Variants in CCDC7 observed in about 807,000 individuals in gnomAD.
CCDC7 encodes the protein coiled-coil domain-containing protein 7.
Under a neutral mutation model 196.9 loss-of-function variants are expected in CCDC7, and 183 were observed. The ratio of observed to expected loss-of-function variants is 0.93; its 90% confidence interval spans 0.82 to 1.05. The LOEUF is 1.05. Ranked by LOEUF, CCDC7 falls within the 50% of genes least tolerant of loss-of-function variation. The pLI is 0.00. For synonymous variants in CCDC7, 525 were observed against 484.6 expected, an observed-to-expected ratio of 1.08 and a Z score of -1.10; for missense variants, 1,540 against 1,482.2, an observed-to-expected ratio of 1.04 and a Z score of -0.64.
At chr10:32,728,340 C>T (rs2132674638) in intron 26 of CCDC7, among the ~76,000 whole-genome samples, 1 of 152,168 alleles carries the variant, frequency 6.6e-6, no homozygotes, top group East Asian at 1.9e-4. Context: ...CTATCATTGC[C>T]TGGTAGCTGT....
At chr10:32,678,867 T>G (rs1294164266) in intron 21 of CCDC7, among the ~76,000 whole-genome samples, 1 of 152,214 alleles carries the variant, frequency 6.6e-6, no homozygotes, top group Admixed American at 6.5e-5. Context: ...TAGCCTCTCA[T>G]TTGAATTCCA....
downstream of CCDC7, among the ~76,000 whole-genome samples, chr10:32,879,015 G>C (rs2094690605): frequency 6.6e-6 from 1 of 151,964 alleles, no homozygotes; most frequent in African/African-American, 2.4e-5. Flanking sequence ...AATTGGCAAG[G>C]GGCCTTCTAG....
At chr10:32,804,907 A>G in intron 29 of CCDC7, 108 bp from the exon 31 acceptor site, 1 of 688,440 alleles carries the variant, frequency 1.5e-6, no homozygotes, top group South Asian at 2.0e-5. Flanking sequence ...TTATTCATTA[A>G]TAACAAAGGC....
intron 28 of CCDC7, among the ~76,000 whole-genome samples, chr10:32,759,695 A>G (rs1169962111): frequency 2.6e-5 from 4 of 152,238 alleles, no homozygotes; most frequent in Non-Finnish European, 5.9e-5. Flanking sequence ...CAAGGACTTC[A>G]TGTCTAAAAC....
chr10:32,828,398 AAGAAGG>A (rs141971427), intron 32 of CCDC7, among the ~76,000 whole-genome samples: 17,011 of 131,838 alleles, frequency 0.13, 1,797 homozygotes, highest in South Asian at 0.26. Flanking sequence ...AAAAAAGAAG[AAGAAGG>A]AGAAGGAGAA....
At chr10:32,618,181 T>C (rs1385539090) in intron 18 of CCDC7, among the ~76,000 whole-genome samples, 3 of 152,014 alleles carry the variant, frequency 2.0e-5, no homozygotes, top group African/African-American at 7.2e-5. Flanking sequence ...TATTTTTTAA[T>C]GCAGTCTGCC....
chr10:32,780,039 C>A (rs2080793582), intron 29 of CCDC7, among the ~76,000 whole-genome samples: 3 of 152,112 alleles, frequency 2.0e-5, no homozygotes, highest in Admixed American at 2.0e-4. Context: ...GAAATCAAGA[C>A]CATCCTGGCC....
At chr10:32,628,969 C>T (rs1025645217) in intron 18 of CCDC7, among the ~76,000 whole-genome samples, 1 of 152,070 alleles carries the variant, frequency 6.6e-6, no homozygotes, top group African/African-American at 2.4e-5. Context: ...AATGTGCATT[C>T]TAGTGCTGTT....
At chr10:32,482,520 T>C (rs559596986) in intron 8 of CCDC7, among the ~76,000 whole-genome samples, 2 of 152,310 alleles carry the variant, frequency 1.3e-5, no homozygotes, top group South Asian at 2.1e-4. Flanking sequence ...TATTATACTT[T>C]AAGTTTTAGG....
chr10:32,454,965 A>G (rs1260592607), intron 2 of CCDC7, among the ~76,000 whole-genome samples: 1 of 152,178 alleles, frequency 6.6e-6, no homozygotes, highest in Non-Finnish European at 1.5e-5. Context: ...CTTAAATAGC[A>G]TGGTCCACTA....
intron 28 of CCDC7, among the ~76,000 whole-genome samples, chr10:32,737,329 A>G (rs2133023546): frequency 6.6e-6 from 1 of 152,082 alleles, no homozygotes; most frequent in South Asian, 2.1e-4. Context: ...TTCTTATAGT[A>G]CCTTTATCTA....
At chr10:32,466,013 T>C (rs549913756) in intron 5 of CCDC7, among the ~76,000 whole-genome samples, 1 of 152,338 alleles carries the variant, frequency 6.6e-6, no homozygotes, top group South Asian at 2.1e-4. Flanking sequence ...GTGTCCACTT[T>C]TCTCTGTGTC....
intron 13 of CCDC7, among the ~76,000 whole-genome samples, chr10:32,551,723 A>G (rs1051868269): frequency 6.6e-6 from 1 of 151,994 alleles, no homozygotes; most frequent in Non-Finnish European, 1.5e-5. Context: ...TTCCTTTTGG[A>G]GTTGATATCC....
intron 20 of CCDC7, among the ~76,000 whole-genome samples, chr10:32,649,584 A>G (rs2068363864): frequency 6.6e-6 from 1 of 152,206 alleles, no homozygotes; most frequent in Admixed American, 6.5e-5. Context: ...GAGTAGGAAA[A>G]TATTTGTGGA....
chr10:32,686,772 G>T (rs1338333298), intron 22 of CCDC7, among the ~76,000 whole-genome samples: 3 of 152,152 alleles, frequency 2.0e-5, no homozygotes, highest in African/African-American at 7.2e-5. Context: ...GGGTAACAAG[G>T]TCTTTGTACT....
chr10:32,474,847 C>G lies in CCDC7; in HGVS notation c.796+824C>G, dbSNP rs1327177277. ...TTTTGAAATAATAGTGTAAAGCACA[C>G]TATGGAATACAGTTCAAAAGTAGAA... On this transcript the variant is annotated intron_variant, in intron 8 of 41. Coordinates refer to ENST00000639629, the Ensembl canonical transcript of CCDC7. Among the ~76,000 whole-genome samples the G allele has an allele frequency of 3.3e-5, 5 of 152,270 alleles. No individual in the cohort carries two copies. The East Asian group carries it at 7.7e-4, about 23-fold the overall frequency.
chr10:32,630,010 C>T (rs1162723473), intron 18 of CCDC7, among the ~76,000 whole-genome samples: 1 of 152,186 alleles, frequency 6.6e-6, no homozygotes, highest in East Asian at 1.9e-4. Context: ...GCTGTGCTTC[C>T]TGTTTTTCTA....
At chr10:32,827,479 G>A (rs2091299029) in intron 32 of CCDC7, among the ~76,000 whole-genome samples, 1 of 152,146 alleles carries the variant, frequency 6.6e-6, no homozygotes, top group East Asian at 1.9e-4. Flanking sequence ...ACCATCCGTG[G>A]ACTCACAGAA....
intron 30 of CCDC7, among the ~76,000 whole-genome samples, chr10:32,808,050 G>A (rs966771675): frequency 6.6e-6 from 1 of 151,960 alleles, no homozygotes; most frequent in Non-Finnish European, 1.5e-5. Flanking sequence ...CCTACCCAGC[G>A]GCAGGACCAC....
Sources: allele counts gnomAD v4.1 joint callset (sites outside exome capture counted in the v4.1 genomes callset), GRCh38; gene constraint gnomAD v4.1.1; transcripts MANE v1.5; gene names NCBI Gene and HGNC (gene_info 2026-07-23, HGNC 2026-07-21).